Variants in SCN9A observed in about 807,000 individuals in gnomAD.
SCN9A encodes sodium voltage-gated channel alpha subunit 9.
Under a neutral mutation model 187.0 loss-of-function variants are expected in SCN9A, and 131 were observed. The observed-to-expected ratio is 0.70, with a 90% CI of 0.61 to 0.81. SCN9A has a LOEUF of 0.81. Among genes scored for constraint, SCN9A ranks in the 30% least tolerant of loss-of-function variants. The pLI, the probability that SCN9A is intolerant of heterozygous loss-of-function variation, is 0.00. For missense variants in SCN9A, 2,252 were observed against 2,396.6 expected, an observed-to-expected ratio of 0.94 and a Z score of 1.26; for synonymous variants, 809 against 808.6, an observed-to-expected ratio of 1.00 and a Z score of -0.01.
chr2:166,266,226 G>T (rs1209476192), intron 17 of SCN9A, among the ~76,000 whole-genome samples: 1 of 151,612 alleles, frequency 6.6e-6, no homozygotes, highest in Non-Finnish European at 1.5e-5. Flanking sequence ...AGTCTATTTT[G>T]AGTTGACTTG....
chr2:166,214,862 G>A (rs1279139435), intron 24 of SCN9A, among the ~76,000 whole-genome samples: 4 of 151,144 alleles, frequency 2.6e-5, no homozygotes, highest in African/African-American at 9.7e-5. Context: ...CCAAGAACAG[G>A]AAGGTGGCTT....
chr2:166,250,691 A>G (rs1355935376), intron 18 of SCN9A, among the ~76,000 whole-genome samples: 1 of 152,132 alleles, frequency 6.6e-6, no homozygotes, highest in Admixed American at 6.6e-5. Flanking sequence ...GCATATCAGA[A>G]AGCATACAGG....
intron 7 of SCN9A, among the ~76,000 whole-genome samples, chr2:166,295,711 G>A (rs1342313656): frequency 6.6e-6 from 1 of 152,122 alleles, no homozygotes; most frequent in Non-Finnish European, 1.5e-5. Flanking sequence ...AGTAAAATTT[G>A]TTTTCTAAAA....
chr2:166,362,973 T>C (rs550925375), intron 1 of SCN9A, among the ~76,000 whole-genome samples: 1 of 152,094 alleles, frequency 6.6e-6, no homozygotes, highest in South Asian at 2.1e-4. Flanking sequence ...CCATAAATAG[T>C]CACCATTTTT....
chr2:166,217,022 A>C (rs1250541309), intron 24 of SCN9A, among the ~76,000 whole-genome samples: 1 of 152,064 alleles, frequency 6.6e-6, no homozygotes, highest in African/African-American at 2.4e-5. Context: ...ATATTGGCTA[A>C]TGGAAAAGGA....
At chr2:166,332,301 T>C (rs1699523475) in intron 1 of SCN9A, among the ~76,000 whole-genome samples, 1 of 152,178 alleles carries the variant, frequency 6.6e-6, no homozygotes, top group African/African-American at 2.4e-5. Context: ...GCTGCTCTAG[T>C]TTCCCAAAGC....
chr2:166,346,573 A>C (rs2105290832), intron 1 of SCN9A, among the ~76,000 whole-genome samples: 1 of 152,242 alleles, frequency 6.6e-6, no homozygotes, highest in East Asian at 1.9e-4. Flanking sequence ...AGCTGGGAAA[A>C]AATATGTATC....
At position 166,288,489 on chromosome 2, in the gene SCN9A, A is replaced by C. The variant is rs767343505; in HGVS notation, c.1262T>G (p.Leu421Ter). ...ACGGTCTAACATCTGTTGAAATTCT[A>C]ATTCTTTCTGTTTAGCTTCTTCAAT... is the stretch of plus-strand genomic sequence containing the variant. Reference protein sequence around the residue: ...ANIEEAKQKELEFQQMLDRLK... With the variant: ...ANIEEAKQKE The change falls in exon 10 of 27, where the codon TTA (leucine) becomes TGA (stop). Residue 421 changes from leucine (L) to a stop codon, truncating the protein, a stop_gained. Coordinates refer to ENST00000642356, the MANE Select transcript of SCN9A (RefSeq NM_001365536.1). LOFTEE classifies it high-confidence loss of function. The C allele has an allele frequency of 1.2e-6, 2 of 1,612,996 alleles. No individual in the cohort carries two copies. Among genetic ancestry groups the C allele is most frequent in the Non-Finnish European group, 1.7e-6 (2 of 1,179,262 alleles).
At chr2:166,309,204 A>G (rs1252727969) in intron 2 of SCN9A, among the ~76,000 whole-genome samples, 1 of 152,180 alleles carries the variant, frequency 6.6e-6, no homozygotes, top group Non-Finnish European at 1.5e-5. Flanking sequence ...CTGAGCTAAC[A>G]TGAAAAATCA....
At position 166,228,225 on chromosome 2, in the gene SCN9A, C is replaced by A. The variant is rs142129735; in HGVS notation, c.4206+466G>T. Among the ~76,000 whole-genome samples the A allele has an allele frequency of 7.5e-3, 1,058 of 141,776 alleles. 12 individuals carry two copies. The highest frequency in any genetic ancestry group is 0.055 in the South Asian group (238 of 4,350). The allele number at this position is 141,776 out of a possible 152,430, so 93.0% of individuals were successfully genotyped here. The stretch of plus-strand genomic sequence containing the variant: ...CCCATGCTTCTTATTCATGTAGGAA[C>A]ATGTTCTAGGAAAGACCAACACTTT... On this transcript the variant is annotated intron_variant, in intron 22 of 26. Coordinates refer to ENST00000642356, the MANE Select transcript of SCN9A (RefSeq NM_001365536.1).
intron 17 of SCN9A, among the ~76,000 whole-genome samples, chr2:166,261,271 T>C (rs1439107941): frequency 6.6e-6 from 1 of 151,896 alleles, no homozygotes; most frequent in Non-Finnish European, 1.5e-5. Flanking sequence ...GGTAGCAATA[T>C]GCCCAGATAA....
At chr2:166,303,904 G>T in intron 6 of SCN9A, 3 of 990,218 alleles carry the variant, frequency 3.0e-6, no homozygotes, top group South Asian at 1.5e-5. Context: ...CTCAAAGGTT[G>T]ACTTTTGATA....
At chr2:166,293,166 C>T (rs1394549594) in intron 9 of SCN9A, 65 bp downstream of exon 9, 1 of 1,430,682 alleles carries the variant, frequency 7.0e-7, no homozygotes. Context: ...CTAATACAGG[C>T]TCTTAACATA....
At chr2:166,352,085 A>G (rs1420556580) in intron 1 of SCN9A, among the ~76,000 whole-genome samples, 1 of 152,182 alleles carries the variant, frequency 6.6e-6, no homozygotes, top group East Asian at 1.9e-4. Context: ...CTCAAAAAAA[A>G]TAAGCCCTAA....
intron 1 of SCN9A, among the ~76,000 whole-genome samples, chr2:166,351,023 A>C (rs563477777): frequency 1.3e-4 from 20 of 152,250 alleles, no homozygotes; most frequent in South Asian, 8.3e-4. Flanking sequence ...CCTGCTCTCT[A>C]TATATAAGCA....
At chr2:166,282,926 T>A (rs1266662120) in intron 12 of SCN9A, among the ~76,000 whole-genome samples, 1 of 152,168 alleles carries the variant, frequency 6.6e-6, no homozygotes, top group Non-Finnish European at 1.5e-5. Flanking sequence ...CATGTAGACA[T>A]GTTTCAGGTA....
chr2:166,306,005 A>G (rs1698743439), intron 4 of SCN9A, 85 bp from the exon 5 acceptor site: 1 of 1,520,214 alleles, frequency 6.6e-7, no homozygotes, highest in Non-Finnish European at 9.0e-7. Context: ...TCTCTAATTA[A>G]CCACTGGAAG....
chr2:166,269,651 G>T (rs1402315907), intron 17 of SCN9A, among the ~76,000 whole-genome samples: 1 of 151,964 alleles, frequency 6.6e-6, no homozygotes, highest in Non-Finnish European at 1.5e-5. Context: ...AGTGCTAAAT[G>T]GAAAGTTCTA....
chr2:166,323,588 A>G (rs1023092646), intron 1 of SCN9A, among the ~76,000 whole-genome samples: 6 of 152,150 alleles, frequency 3.9e-5, no homozygotes, highest in African/African-American at 9.7e-5. Context: ...TGTGCCCATT[A>G]TATTAGACTG....
Sources: gnomAD v4.1 joint callset for allele counts (sites outside exome capture counted in the v4.1 genomes callset) on GRCh38, gnomAD v4.1.1 for gene constraint, MANE v1.5 for transcripts, NCBI Gene and HGNC (gene_info 2026-07-23, HGNC 2026-07-21) for gene names.